The following CCDC6 variants were observed in gnomAD, a reference collection of about 807,000 sequenced individuals.
CCDC6 encodes coiled-coil domain containing 6.
In CCDC6, 20 loss-of-function variants were observed where a neutral mutation model predicts 56.6. That is an observed-to-expected ratio of 0.35 (90% CI 0.25 to 0.51). The LOEUF (loss-of-function observed/expected upper bound fraction) is 0.51, where lower values mean the gene tolerates loss of function less well. Ranked by LOEUF, CCDC6 falls within the 20% of genes least tolerant of loss-of-function variation. The probability of loss-of-function intolerance (pLI) is 0.95; values close to 1 mark genes in which losing one functional copy is unlikely to be tolerated. For missense variants in CCDC6, 367 were observed against 601.1 expected (o/e 0.61, Z 4.07); for synonymous variants, 241 against 234.4 (o/e 1.03, Z -0.26).
intron 3 of CCDC6, among the ~76,000 whole-genome samples, chr10:59,818,157 G>A (rs138428845): frequency 2.0e-5 from 3 of 152,252 alleles, no homozygotes; most frequent in African/African-American, 7.2e-5. Flanking sequence ...ATACTTGGGA[G>A]TAGCAGAGTT....
intron 1 of CCDC6, among the ~76,000 whole-genome samples, chr10:59,905,829 C>T (rs928473749): frequency 9.9e-5 from 15 of 152,242 alleles, no homozygotes; most frequent in African/African-American, 3.1e-4. Context: ...AGCCTCCAGC[C>T]CAGCCCCGGA....
At chr10:59,861,285 A>G (rs2071126009) in intron 1 of CCDC6, among the ~76,000 whole-genome samples, 1 of 152,120 alleles carries the variant, frequency 6.6e-6, no homozygotes, top group Non-Finnish European at 1.5e-5. Flanking sequence ...TTAAACCCAG[A>G]AAGGTTGAGG....
chr10:59,897,886 T>C (rs1042239301), intron 1 of CCDC6, among the ~76,000 whole-genome samples: 3 of 152,190 alleles, frequency 2.0e-5, no homozygotes, highest in African/African-American at 7.2e-5. Context: ...ACATCCCAAC[T>C]CTGCTCTGCA....
intron 3 of CCDC6, among the ~76,000 whole-genome samples, chr10:59,819,172 T>C (rs2070732130): frequency 6.6e-6 from 1 of 152,236 alleles, no homozygotes; most frequent in Non-Finnish European, 1.5e-5. Context: ...CTCTTGTTTA[T>C]ATCAATCAGC....
intron 1 of CCDC6, among the ~76,000 whole-genome samples, chr10:59,905,609 C>T (rs950044097): frequency 2.0e-5 from 3 of 152,232 alleles, no homozygotes; most frequent in Non-Finnish European, 2.9e-5. Context: ...CCACTCTCTC[C>T]CGCCCCCTCC....
chr10:59,848,775 G>A (rs1347503714), intron 2 of CCDC6, among the ~76,000 whole-genome samples: 3 of 152,322 alleles, frequency 2.0e-5, no homozygotes, highest in Middle Eastern at 6.8e-3. Context: ...GAGCAGCAGC[G>A]TGATCTCGGC....
intron 1 of CCDC6, among the ~76,000 whole-genome samples, chr10:59,866,087 C>T (rs2071174670): frequency 6.6e-6 from 1 of 152,106 alleles, no homozygotes; most frequent in Non-Finnish European, 1.5e-5. Flanking sequence ...AAATAAGCTA[C>T]AATCATTCGA....
At chr10:59,876,820 A>AT (rs980334321) in intron 1 of CCDC6, among the ~76,000 whole-genome samples, 6 of 152,166 alleles carry the variant, frequency 3.9e-5, no homozygotes, top group Non-Finnish European at 8.8e-5. Flanking sequence ...TTACATTGAG[A>AT]TTTTTTGAAT....
chr10:59,790,293 G>T lies in CCDC6; in HGVS notation c.*2624C>A, dbSNP rs932979831. On this transcript the variant is annotated 3_prime_UTR_variant, in exon 9 of 9. Transcript: ENST00000263102. ...AAGCCCCTGTTGCTCCCACCTGCCT[G>T]CAGGACGGCTACTGATTTTACAAAG... The T allele has an allele frequency of 9.1e-6, 2 of 220,574 alleles. No homozygotes were observed. The highest frequency in any genetic ancestry group is 1.8e-5 in the Non-Finnish European group (2 of 109,818). The allele number at this position is 220,574 out of a possible 1,614,324, so 13.7% of individuals were successfully genotyped here. A position where few individuals can be genotyped will look rare whatever the true frequency, so the allele number is the denominator to read the frequency against.
chr10:59,863,617 T>C (rs1219872000), intron 1 of CCDC6, among the ~76,000 whole-genome samples: 1 of 152,196 alleles, frequency 6.6e-6, no homozygotes, highest in Non-Finnish European at 1.5e-5. Context: ...TTCAACTCTG[T>C]AAATATAATA....
At chr10:59,877,455 G>A (rs568157439) in intron 1 of CCDC6, among the ~76,000 whole-genome samples, 119 of 152,286 alleles carry the variant, frequency 7.8e-4, no homozygotes, top group African/African-American at 2.8e-3. Flanking sequence ...AGAAAGTCAG[G>A]TTCTCTTTGA....
rs1050095590 is a variant in CCDC6, at chr10:59,792,077, A to G, written c.*840T>C. Reference sequence around the variant, plus strand: ...AGGGGGAAGCCGCATTGTTTTTGTTACAATCACACTGCCTTCTGCAGCAGA... The same window carrying G: ...AGGGGGAAGCCGCATTGTTTTTGTTGCAATCACACTGCCTTCTGCAGCAGA... On this transcript the variant is annotated 3_prime_UTR_variant, in exon 9 of 9. Coordinates refer to ENST00000263102, the MANE Select transcript of CCDC6 (RefSeq NM_005436.5). 4.4e-6 allele frequency: 1 copy of G among 228,594 alleles called. No individual in the cohort carries two copies. The highest frequency in any genetic ancestry group is 8.7e-6 in the Non-Finnish European group (1 of 115,062). 14.2% of individuals were successfully genotyped at this position (228,594 alleles called of 1,614,324 possible). A position where few individuals can be genotyped will look rare whatever the true frequency, so the allele number is the denominator to read the frequency against.
intron 3 of CCDC6, among the ~76,000 whole-genome samples, chr10:59,818,308 C>T (rs542979817): frequency 6.8e-4 from 103 of 152,152 alleles, no homozygotes; most frequent in Middle Eastern, 3.4e-3. Context: ...GAGTTACCAG[C>T]TATCAATCTA....
intron 3 of CCDC6, among the ~76,000 whole-genome samples, chr10:59,826,024 G>A (rs1243757047): frequency 6.6e-6 from 1 of 152,136 alleles, no homozygotes. Flanking sequence ...CTGGAAGCTG[G>A]GGTCCCATCA....
intron 1 of CCDC6, among the ~76,000 whole-genome samples, chr10:59,862,361 G>A (rs973507715): frequency 9.9e-5 from 15 of 151,430 alleles, no homozygotes; most frequent in Non-Finnish European, 2.2e-4. Context: ...GGTGGTGAAC[G>A]CCTGTAGTCT....
At chr10:59,894,535 G>C (rs1214860085) in intron 1 of CCDC6, among the ~76,000 whole-genome samples, 1 of 151,726 alleles carries the variant, frequency 6.6e-6, no homozygotes, top group Admixed American at 6.6e-5. Flanking sequence ...GTTATATACA[G>C]GCACACTGCC....
chr10:59,837,272 T>C (rs759222691), intron 2 of CCDC6, among the ~76,000 whole-genome samples: 6 of 152,180 alleles, frequency 3.9e-5, no homozygotes, highest in African/African-American at 1.4e-4. Flanking sequence ...GTACCACAGG[T>C]GCATGTGCAC....
At chr10:59,881,122 C>T (rs1367468269) in intron 1 of CCDC6, among the ~76,000 whole-genome samples, 1 of 152,168 alleles carries the variant, frequency 6.6e-6, no homozygotes, top group Non-Finnish European at 1.5e-5. Flanking sequence ...ACTAAATCCA[C>T]ATCTTCCACC....
chr10:59,791,360 CTT>C lies in CCDC6; in HGVS notation c.*1555_*1556del. The C allele has an allele frequency of 5.2e-6, 1 of 191,680 alleles. No individual in the cohort carries two copies. Among genetic ancestry groups the C allele is most frequent in the African/African-American group, 2.3e-5 (1 of 42,794 alleles). The allele number at this position is 191,680 out of a possible 1,614,324, so 11.9% of individuals were successfully genotyped here. On this transcript the variant is annotated 3_prime_UTR_variant, in exon 9 of 9. Transcript: ENST00000263102. ...AGTCAAACACTATTATCCAACAAGA[CTT>C]TTTTTTTTCATTCTGTTAACTCTTA...
Sources: gnomAD v4.1 joint callset for allele counts (sites outside exome capture counted in the v4.1 genomes callset) on GRCh38, gnomAD v4.1.1 for gene constraint, MANE v1.5 for transcripts, NCBI Gene and HGNC (gene_info 2026-07-23, HGNC 2026-07-21) for gene names.